Variants in CTNND2 observed in about 807,000 individuals in gnomAD.
CTNND2 encodes the protein catenin delta 2.
CTNND2 carries 22 observed loss-of-function variants against 144.4 expected under a neutral mutation model. The observed-to-expected ratio is 0.15, with a 90% CI of 0.11 to 0.22. The LOEUF is 0.22. Among genes scored for constraint, CTNND2 ranks in the 10% least tolerant of loss-of-function variants. The pLI is 1.00. For missense variants in CTNND2, 1,353 were observed against 1,618.8 expected (o/e 0.84, Z 2.82); for synonymous variants, 751 against 695.6 (o/e 1.08, Z -1.25).
At chr5:11,271,929 G>GC (rs1385826359) in intron 9 of CTNND2, among the ~76,000 whole-genome samples, 1 of 151,964 alleles carries the variant, frequency 6.6e-6, no homozygotes, top group Non-Finnish European at 1.5e-5. Flanking sequence ...TTCCCAAACT[G>GC]TTTTGGGAAT....
intron 3 of CTNND2, among the ~76,000 whole-genome samples, chr5:11,439,642 C>A (rs536111377): frequency 6.6e-6 from 1 of 152,024 alleles, no homozygotes; most frequent in Admixed American, 6.6e-5. Flanking sequence ...AAACAATCCT[C>A]CTACCTCAGC....
At chr5:11,316,649 AC>A in intron 9 of CTNND2, among the ~76,000 whole-genome samples, 1 of 61,132 alleles carries the variant, frequency 1.6e-5, no homozygotes, top group East Asian at 5.4e-4. Flanking sequence ...CCTTCCCCCC[AC>A]CCCACAACAG....
intron 2 of CTNND2, among the ~76,000 whole-genome samples, chr5:11,582,285 G>T (rs1392663700): frequency 6.6e-6 from 1 of 152,192 alleles, no homozygotes; most frequent in African/African-American, 2.4e-5. Context: ...CAGCTTTAAA[G>T]CCCATTTGGG....
chr5:11,398,928 A>C (rs2149818675), intron 5 of CTNND2, among the ~76,000 whole-genome samples: 1 of 152,316 alleles, frequency 6.6e-6, no homozygotes, highest in South Asian at 2.1e-4. Flanking sequence ...CTGAGGTCCA[A>C]GTGACAGGCA....
At chr5:11,003,411 G>A (rs2149515484) in intron 18 of CTNND2, among the ~76,000 whole-genome samples, 1 of 152,270 alleles carries the variant, frequency 6.6e-6, no homozygotes, top group South Asian at 2.1e-4. Flanking sequence ...TCAGAAGCCT[G>A]ATTGTTCAAA....
chr5:11,437,233 A>AT (rs1257210910), intron 3 of CTNND2, among the ~76,000 whole-genome samples: 4 of 152,192 alleles, frequency 2.6e-5, no homozygotes, highest in Admixed American at 1.3e-4. Context: ...TAATTCTCAA[A>AT]TCCTTGTAAA....
intron 3 of CTNND2, among the ~76,000 whole-genome samples, chr5:11,528,561 C>G (rs933490442): frequency 1.3e-5 from 2 of 152,164 alleles, no homozygotes; most frequent in Non-Finnish European, 2.9e-5. Flanking sequence ...TTGGAAAATA[C>G]CAAAAGGGAG....
intron 2 of CTNND2, among the ~76,000 whole-genome samples, chr5:11,648,668 G>C (rs1421905221): frequency 6.6e-6 from 1 of 151,742 alleles, no homozygotes; most frequent in African/African-American, 2.4e-5. Context: ...ATTCTCTCAT[G>C]ATCTATAATT....
chr5:11,290,610 C>T (rs1237268646), intron 9 of CTNND2, among the ~76,000 whole-genome samples: 1 of 152,110 alleles, frequency 6.6e-6, no homozygotes, highest in East Asian at 1.9e-4. Flanking sequence ...CTATAATTTA[C>T]CTTCAGAGAG....
intron 2 of CTNND2, among the ~76,000 whole-genome samples, chr5:11,662,000 AAC>A (rs1310987676): frequency 1.3e-5 from 2 of 150,360 alleles, no homozygotes; most frequent in East Asian, 2.0e-4. Flanking sequence ...CACACACACA[AAC>A]ACACACATAT....
intron 9 of CTNND2, among the ~76,000 whole-genome samples, chr5:11,296,052 C>T (rs1392140880): frequency 7.6e-6 from 1 of 130,736 alleles, no homozygotes; most frequent in Non-Finnish European, 1.6e-5. Context: ...AGGCAACCTA[C>T]AGAATGGGAG....
intron 11 of CTNND2, among the ~76,000 whole-genome samples, chr5:11,188,238 G>A (rs925467440): frequency 5.3e-5 from 8 of 151,984 alleles, no homozygotes; most frequent in African/African-American, 1.9e-4. Flanking sequence ...TAAAGAAAAT[G>A]TGGTATATAT....
chr5:11,720,013 C>T (rs1272973871), intron 2 of CTNND2, among the ~76,000 whole-genome samples: 1 of 152,136 alleles, frequency 6.6e-6, no homozygotes, highest in Non-Finnish European at 1.5e-5. Flanking sequence ...CAGCCACACC[C>T]CAGGCTAAAA....
At position 11,461,970 on chromosome 5, in the gene CTNND2, AG is replaced by A. The variant is rs1329723390; in HGVS notation, c.288-49902del. ...GATAACCTAGGTTATATTGAGTCTT[AG>A]GGTCTGTTCTGAACTGACAAAATAC... On this transcript the variant is annotated intron_variant, in intron 3 of 21. Coordinates refer to ENST00000304623, the MANE Select transcript of CTNND2 (RefSeq NM_001332.4). Among the ~76,000 whole-genome samples the A allele has an allele frequency of 2.0e-5, 3 of 152,058 alleles. No homozygotes were observed. The East Asian group carries it at 5.8e-4, about 29-fold the overall frequency.
chr5:11,138,814 A>G (rs1468156082), intron 12 of CTNND2, among the ~76,000 whole-genome samples: 1 of 152,134 alleles, frequency 6.6e-6, no homozygotes, highest in Non-Finnish European at 1.5e-5. Flanking sequence ...TGCTCCATAC[A>G]TATCTCCAGT....
At chr5:11,564,923 T>C (rs1214606556) in intron 3 of CTNND2, 21 bp downstream of exon 3, 8 of 1,551,238 alleles carry the variant, frequency 5.2e-6, no homozygotes, top group Non-Finnish European at 7.1e-6. Context: ...GCACAGACAA[T>C]GAACAGAGCG....
intron 6 of CTNND2, among the ~76,000 whole-genome samples, chr5:11,386,430 T>C (rs1759097298): frequency 6.6e-6 from 1 of 152,172 alleles, no homozygotes; most frequent in South Asian, 2.1e-4. Flanking sequence ...GAATGGCAAT[T>C]GGCAAATAAT....
intron 2 of CTNND2, among the ~76,000 whole-genome samples, chr5:11,713,047 G>A (rs1185311472): frequency 6.6e-6 from 1 of 152,138 alleles, no homozygotes; most frequent in African/African-American, 2.4e-5. Context: ...ATGGGGAGAA[G>A]GAGAAAGAAA....
chr5:11,852,489 T>A (rs996919787), intron 1 of CTNND2, among the ~76,000 whole-genome samples: 4 of 152,004 alleles, frequency 2.6e-5, no homozygotes, highest in African/African-American at 9.7e-5. Context: ...ACATAACATT[T>A]GGGGGCACTT....
Sources: allele counts gnomAD v4.1 joint callset (sites outside exome capture counted in the v4.1 genomes callset), GRCh38; gene constraint gnomAD v4.1.1; transcripts MANE v1.5; gene names NCBI Gene and HGNC (gene_info 2026-07-23, HGNC 2026-07-21).